The following NIM1K variants were observed in gnomAD, a reference collection of about 807,000 sequenced individuals.
NIM1K encodes NIM1 serine/threonine protein kinase.
NIM1K carries 35 observed loss-of-function variants against 37.1 expected under a neutral mutation model. The ratio of observed to expected loss-of-function variants is 0.94; its 90% CI spans 0.72 to 1.25. The LOEUF is 1.25. Among genes scored for constraint, NIM1K ranks in the 50% most tolerant of loss-of-function variants. The probability of loss-of-function intolerance (pLI) is 0.00; values close to 1 mark genes in which losing one functional copy is unlikely to be tolerated. For missense variants in NIM1K, 564 were observed against 548.0 expected, an observed-to-expected ratio of 1.03 and a Z score of -0.29; for synonymous variants, 234 against 206.6, an observed-to-expected ratio of 1.13 and a Z score of -1.14.
intron 1 of NIM1K, among the ~76,000 whole-genome samples, chr5:43,228,705 T>A (rs1446342473): frequency 2.0e-5 from 3 of 150,024 alleles, no homozygotes; most frequent in Non-Finnish European, 4.4e-5. Flanking sequence ...GCAGGGCACA[T>A]CTGTGATCCC....
intron 1 of NIM1K, chr5:43,232,847 T>A: frequency 9.6e-7 from 1 of 1,039,096 alleles, no homozygotes; most frequent in South Asian, 1.3e-5. Context: ...TGGCCAATGG[T>A]GTAGTGCCTT....
chr5:43,271,023 C>T (rs919880105), intron 2 of NIM1K, among the ~76,000 whole-genome samples: 6 of 152,000 alleles, frequency 3.9e-5, no homozygotes, highest in South Asian at 2.1e-4. Context: ...CCATAGCAGC[C>T]AGAGGTGATG....
intron 1 of NIM1K, among the ~76,000 whole-genome samples, chr5:43,206,227 AAAG>A: frequency 6.6e-6 from 1 of 152,110 alleles, no homozygotes; most frequent in Admixed American, 6.5e-5. Context: ...TAAGTAAAGA[AAAG>A]AAAATACCGC....
intron 2 of NIM1K, among the ~76,000 whole-genome samples, chr5:43,264,730 A>G (rs745864222): frequency 6.6e-6 from 1 of 152,074 alleles, no homozygotes; most frequent in African/African-American, 2.4e-5. Context: ...GGTCTTTACA[A>G]TTTGGCATGT....
rs375575307 is a variant in NIM1K at position 43,222,883 on chromosome 5, G to A, written c.-694-22199G>A. ...GTGCTGGGCACAGTGGCTCACGCCT[G>A]TAATCCCAGAACTTTCGGAGGCCGA... On this transcript the variant is annotated intron_variant, in intron 1 of 3. Transcript: ENST00000326035. Among the ~76,000 whole-genome samples, 164 of 152,278 alleles carry A rather than the reference G, an allele frequency of 1.1e-3. 3 individuals are homozygous for A. The South Asian group carries it at 0.034, about 31-fold the overall frequency.
intron 1 of NIM1K, among the ~76,000 whole-genome samples, chr5:43,210,484 A>G (rs1396953872): frequency 6.6e-6 from 1 of 152,156 alleles, no homozygotes; most frequent in African/African-American, 2.4e-5. Context: ...AAAAACTTAT[A>G]CTACAGAGAG....
At chr5:43,232,702 A>G in intron 1 of NIM1K, 3 of 1,451,802 alleles carry the variant, frequency 2.1e-6, no homozygotes, top group South Asian at 2.6e-5. Flanking sequence ...ATCAACCGGG[A>G]GTTGTTCCAT....
intron 1 of NIM1K, among the ~76,000 whole-genome samples, chr5:43,231,542 T>A (rs1561080776): frequency 6.6e-6 from 1 of 152,058 alleles, no homozygotes; most frequent in East Asian, 1.9e-4. Flanking sequence ...GAAGATTTTT[T>A]AAAAGTATTA....
intron 2 of NIM1K, among the ~76,000 whole-genome samples, chr5:43,257,630 C>T (rs1279223942): frequency 6.6e-6 from 1 of 151,992 alleles, no homozygotes; most frequent in Admixed American, 6.6e-5. Flanking sequence ...GTATTACAGG[C>T]GTGAGCCACT....
chr5:43,227,604 C>T (rs1267009282), intron 1 of NIM1K, among the ~76,000 whole-genome samples: 1 of 152,090 alleles, frequency 6.6e-6, no homozygotes, highest in Non-Finnish European at 1.5e-5. Flanking sequence ...AGTAGAGAAC[C>T]TTCAAATATG....
At chr5:43,258,306 T>C (rs913749773) in intron 2 of NIM1K, among the ~76,000 whole-genome samples, 2 of 152,232 alleles carry the variant, frequency 1.3e-5, no homozygotes, top group South Asian at 2.1e-4. Context: ...ATATATACAG[T>C]AATTCATTGT....
Position 43,210,921 on chromosome 5 carries a change from A to G in NIM1K, c.-695+18510A>G, listed in dbSNP as rs181706387. ...TGTGGTAGCTCACGCCTGTAATCCC[A>G]GCACTTTGGGAGGCCAAGGCAGGCG... On this transcript the variant is annotated intron_variant, in intron 1 of 3. Transcript: ENST00000326035. 5.6e-4 allele frequency among the ~76,000 whole-genome samples: 85 copies of G among 152,356 alleles called. No individual in the cohort carries two copies. The East Asian group carries it at 0.016, about 28-fold the overall frequency.
chr5:43,247,251 G>T (rs1752790474), intron 2 of NIM1K, among the ~76,000 whole-genome samples: 1 of 152,012 alleles, frequency 6.6e-6, no homozygotes, highest in Non-Finnish European at 1.5e-5. Flanking sequence ...TTCACATCTT[G>T]GCTACTCTGC....
At chr5:43,195,404 T>C (rs1416853365) in intron 1 of NIM1K, among the ~76,000 whole-genome samples, 2 of 152,136 alleles carry the variant, frequency 1.3e-5, no homozygotes, top group Non-Finnish European at 2.9e-5. Context: ...AGGCCTGTAA[T>C]CCCAATACTT....
rs1752555000 is a variant in NIM1K, at chr5:43,232,529, T to C, written c.-694-12553T>C. The stretch of plus-strand genomic sequence containing the variant: ...GGTTGGGCGTTCAGTATCAAGGTTC[T>C]ATGCCAGATATCATAAGTGGCCTCA... On this transcript the variant is annotated intron_variant, in intron 1 of 3. Coordinates refer to ENST00000326035, the MANE Select transcript of NIM1K (RefSeq NM_153361.4). 5 of 1,573,890 alleles carry C rather than the reference T, an allele frequency of 3.2e-6. No individual in the cohort carries two copies. The East Asian group carries it at 6.7e-5, about 21-fold the overall frequency.
chr5:43,272,844 T>C (rs894299703), intron 2 of NIM1K, among the ~76,000 whole-genome samples: 1 of 151,726 alleles, frequency 6.6e-6, no homozygotes, highest in Admixed American at 6.6e-5. Context: ...TTCCAAATAG[T>C]AACCATTGTG....
chr5:43,221,097 A>C (rs1394591421), intron 1 of NIM1K, among the ~76,000 whole-genome samples: 2 of 152,196 alleles, frequency 1.3e-5, no homozygotes, highest in African/African-American at 4.8e-5. Context: ...AGGTGTGGAG[A>C]TAAATAAGAG....
At chr5:43,219,264 A>G (rs1561077079) in intron 1 of NIM1K, among the ~76,000 whole-genome samples, 1 of 152,172 alleles carries the variant, frequency 6.6e-6, no homozygotes, top group Non-Finnish European at 1.5e-5. Flanking sequence ...ACATATGAAC[A>G]TAATGAAACC....
chr5:43,269,363 C>T (rs1056105871), intron 2 of NIM1K, among the ~76,000 whole-genome samples: 1 of 147,428 alleles, frequency 6.8e-6, no homozygotes, highest in Non-Finnish European at 1.5e-5. Flanking sequence ...CTTTGGTTTC[C>T]ATATACACAG....
Sources: gnomAD v4.1 joint callset for allele counts (sites outside exome capture counted in the v4.1 genomes callset) on GRCh38, gnomAD v4.1.1 for gene constraint, MANE v1.5 for transcripts, NCBI Gene and HGNC (gene_info 2026-07-23, HGNC 2026-07-21) for gene names.